DAB1: variants seen among roughly 807,000 people sequenced by gnomAD.
The protein encoded by DAB1 is disabled homolog 1.
Under a neutral mutation model 64.6 loss-of-function variants are expected in DAB1, and 15 were observed. That is an observed-to-expected ratio of 0.23 (90% confidence interval 0.16 to 0.36). The LOEUF (loss-of-function observed/expected upper bound fraction) is 0.36. Among genes scored for constraint, DAB1 ranks in the 10% least tolerant of loss-of-function variants. DAB1 has a pLI of 1.00. For missense variants in DAB1, 596 were observed against 706.7 expected, an observed-to-expected ratio of 0.84 and a Z score of 1.78; for synonymous variants, 235 against 251.9, an observed-to-expected ratio of 0.93 and a Z score of 0.64.
At chr1:58,028,415 C>G (rs529217811) in intron 5 of DAB1, among the ~76,000 whole-genome samples, 4 of 152,302 alleles carry the variant, frequency 2.6e-5, no homozygotes, top group Non-Finnish European at 5.9e-5. Context: ...TGTATTTTCT[C>G]CATAAAGCAT....
intron 6 of DAB1, among the ~76,000 whole-genome samples, chr1:57,819,755 A>T (rs1652029989): frequency 6.6e-6 from 1 of 152,230 alleles, no homozygotes; most frequent in African/African-American, 2.4e-5. Flanking sequence ...GCTGCTTTGA[A>T]AAGTGGGAAA....
At chr1:57,633,640 T>A (rs1646017755) in intron 7 of DAB1, among the ~76,000 whole-genome samples, 2 of 152,140 alleles carry the variant, frequency 1.3e-5, no homozygotes, top group Non-Finnish European at 2.9e-5. Flanking sequence ...AGCCCAACAA[T>A]CTCTACTTTA....
chr1:57,014,873 G>A lies in DAB1; in HGVS notation c.1444+10C>T, dbSNP rs1646374086. 2 of 1,537,648 alleles carry A rather than the reference G, an allele frequency of 1.3e-6. No individual in the cohort carries two copies. The highest frequency in any genetic ancestry group is 4.5e-5 in the East Asian group (2 of 44,082). ...CATTGGGTTTTATGTCTTAAGTGAG[G>A]GGCACTCACGTGAGTTGGTCGATGG... On this transcript the variant is annotated intron_variant, in intron 12 of 14. Coordinates refer to ENST00000371236, the MANE Select transcript of DAB1 (RefSeq NM_001365792.1).
At chr1:57,386,368 A>G (rs1681844830) in intron 1 of DAB1, among the ~76,000 whole-genome samples, 1 of 50,092 alleles carries the variant, frequency 2.0e-5, no homozygotes, top group Admixed American at 1.7e-4. Flanking sequence ...CCCCTTGGGA[A>G]AAAAAAAAAA....
chr1:58,122,767 T>C (rs1046100126), intron 5 of DAB1, among the ~76,000 whole-genome samples: 1 of 152,160 alleles, frequency 6.6e-6, no homozygotes, highest in Non-Finnish European at 1.5e-5. Context: ...TGACAGGGCT[T>C]TGGTGATTAT....
At chr1:57,872,812 A>G (rs1046212022) in intron 1 of DAB1, among the ~76,000 whole-genome samples, 52 of 152,166 alleles carry the variant, frequency 3.4e-4, no homozygotes, top group African/African-American at 1.2e-3. Flanking sequence ...CCTGGACTTC[A>G]TGTTTGGAAA....
chr1:58,066,096 C>T (rs1469905842), intron 5 of DAB1, among the ~76,000 whole-genome samples: 2 of 152,192 alleles, frequency 1.3e-5, no homozygotes, highest in African/African-American at 4.8e-5. Flanking sequence ...GAGGCAGTGA[C>T]AACTAAGCTG....
chr1:57,852,563 T>C (rs1051240648), intron 1 of DAB1, among the ~76,000 whole-genome samples: 11 of 151,926 alleles, frequency 7.2e-5, no homozygotes, highest in Non-Finnish European at 1.0e-4. Context: ...ACCTCACTTC[T>C]ACCCTCCTCA....
chr1:57,474,913 G>T (rs1324564079), intron 7 of DAB1, among the ~76,000 whole-genome samples: 1 of 152,100 alleles, frequency 6.6e-6, no homozygotes, highest in Admixed American at 6.6e-5. Context: ...TTGGGTCTAG[G>T]AGAAGAGAGA....
chr1:57,953,874 TA>T (rs1203390417), intron 5 of DAB1, among the ~76,000 whole-genome samples: 1 of 152,174 alleles, frequency 6.6e-6, no homozygotes, highest in East Asian at 1.9e-4. Flanking sequence ...ATGGTTCAGA[TA>T]ACCATCCCTT....
chr1:58,250,592 T>C (rs922441993), intron 4 of DAB1, among the ~76,000 whole-genome samples: 1 of 152,208 alleles, frequency 6.6e-6, no homozygotes, highest in Admixed American at 6.5e-5. Flanking sequence ...TTTCGCCACC[T>C]AGCGCGGAAT....
chr1:57,500,777 T>C (rs981545871), intron 7 of DAB1, among the ~76,000 whole-genome samples: 1 of 152,226 alleles, frequency 6.6e-6, no homozygotes, highest in African/African-American at 2.4e-5. Flanking sequence ...AATAGAACAT[T>C]AGAAGTAACT....
At chr1:58,243,852 G>A (rs972455840) in intron 4 of DAB1, among the ~76,000 whole-genome samples, 3 of 151,988 alleles carry the variant, frequency 2.0e-5, no homozygotes, top group Non-Finnish European at 4.4e-5. Context: ...CCTGATAGTA[G>A]AATGGAAGAA....
At chr1:58,110,015 G>C (rs974472043) in intron 5 of DAB1, among the ~76,000 whole-genome samples, 74 of 152,312 alleles carry the variant, frequency 4.9e-4, no homozygotes, top group African/African-American at 1.7e-3. Context: ...TCCAGGGATG[G>C]CCCATTCTGG....
intron 7 of DAB1, among the ~76,000 whole-genome samples, chr1:57,480,067 G>GCCTCAGCCATT (rs1643995398): frequency 6.6e-6 from 1 of 151,310 alleles, no homozygotes. Context: ...CAGGAGAATG[G>GCCTCAGCCATT]CGTGAACCCG....
intron 7 of DAB1, among the ~76,000 whole-genome samples, chr1:57,594,010 G>A (rs1218029266): frequency 1.3e-5 from 2 of 152,178 alleles, no homozygotes; most frequent in African/African-American, 4.8e-5. Flanking sequence ...GGATAGGAAG[G>A]ATGAATACCA....
intron 4 of DAB1, among the ~76,000 whole-genome samples, chr1:57,097,217 A>T (rs1446118588): frequency 2.0e-5 from 3 of 152,224 alleles, no homozygotes; most frequent in Admixed American, 6.5e-5. Flanking sequence ...CACCTGATGT[A>T]TATTACCCTG....
chr1:57,184,570 A>G (rs1453759516), intron 2 of DAB1, among the ~76,000 whole-genome samples: 4 of 152,028 alleles, frequency 2.6e-5, no homozygotes, highest in African/African-American at 9.7e-5. Context: ...GTTACCAAAA[A>G]TAAGAACTGC....
At chr1:57,035,924 C>T (rs1647132561) in intron 9 of DAB1, among the ~76,000 whole-genome samples, 1 of 141,376 alleles carries the variant, frequency 7.1e-6, no homozygotes, top group Non-Finnish European at 1.5e-5. Flanking sequence ...CTCACTGCAA[C>T]CGTTGCCTCC....
Sources: gnomAD v4.1 joint callset for allele counts (sites outside exome capture counted in the v4.1 genomes callset) on GRCh38, gnomAD v4.1.1 for gene constraint, MANE v1.5 for transcripts, NCBI Gene and HGNC (gene_info 2026-07-23, HGNC 2026-07-21) for gene names.